The following SORBS2 variants were observed in gnomAD, a reference collection of about 807,000 sequenced individuals.
SORBS2 encodes the protein sorbin and SH3 domain containing 2.
A neutral mutation model predicts 97.7 loss-of-function variants in SORBS2; 46 were observed. The observed-to-expected ratio is 0.47, with a 90% CI of 0.37 to 0.60. SORBS2 has a LOEUF of 0.60. SORBS2 is among the 20% of genes least tolerant of loss of function. SORBS2 has a pLI of 0.00. For synonymous variants in SORBS2, 476 were observed against 473.4 expected (o/e 1.01, Z -0.07); for missense variants, 1,316 against 1,282.3 (o/e 1.03, Z -0.40).
intron 2 of SORBS2, among the ~76,000 whole-genome samples, chr4:185,714,089 T>G (rs952689858): frequency 3.7e-4 from 56 of 152,374 alleles, no homozygotes; most frequent in African/African-American, 1.3e-3. Flanking sequence ...CCTTCATTAT[T>G]TAAGTGGATA....
chr4:185,940,389 A>T lies in SORBS2; in HGVS notation c.-338+15807T>A, dbSNP rs537228331. 5.9e-5 allele frequency among the ~76,000 whole-genome samples: 9 copies of T among 152,242 alleles called. No individual in the cohort carries two copies. The East Asian group carries it at 1.7e-3, about 29-fold the overall frequency. On this transcript the variant is annotated intron_variant, in intron 1 of 20. Transcript: ENST00000284776. ...TTTTTACCCTTATTCCCCATACATG[A>T]AGAACCATTCTACATATTCTTCAAC...
intron 1 of SORBS2, among the ~76,000 whole-genome samples, chr4:185,797,855 C>T (rs1413335332): frequency 6.6e-6 from 1 of 152,194 alleles, no homozygotes; most frequent in African/African-American, 2.4e-5. Context: ...ACACCATGTT[C>T]ACCTGCAGAC....
intron 13 of SORBS2, among the ~76,000 whole-genome samples, chr4:185,590,793 CAAG>C (rs2153356500): frequency 6.6e-6 from 1 of 152,124 alleles, no homozygotes; most frequent in Admixed American, 6.5e-5. Context: ...CTGAGAAGGT[CAAG>C]AAGAATTTGA....
At chr4:185,868,147 C>CTTTTTTCTTTTTT (rs1554043746) in intron 1 of SORBS2, among the ~76,000 whole-genome samples, 2 of 89,766 alleles carry the variant, frequency 2.2e-5, no homozygotes. Context: ...CTTTTCTTTT[C>CTTTTTTCTTTTTT]TTTTTTTCTT....
intron 1 of SORBS2, chr4:185,932,894 A>G (rs2099267156): frequency 6.6e-6 from 1 of 152,246 alleles, no homozygotes; most frequent in Non-Finnish European, 1.5e-5. Flanking sequence ...TTATCCTTCT[A>G]CAATGTTTTC....
intron 4 of SORBS2, chr4:185,677,333 C>G (rs2097802013): frequency 1.3e-6 from 2 of 1,552,316 alleles, no homozygotes; most frequent in Non-Finnish European, 1.7e-6. Context: ...GCCTGTAGTC[C>G]TCTTGTAGAA....
chr4:185,867,903 C>T (rs914021386), intron 1 of SORBS2, among the ~76,000 whole-genome samples: 1 of 152,034 alleles, frequency 6.6e-6, no homozygotes, highest in Non-Finnish European at 1.5e-5. Flanking sequence ...CTCAGGGGTC[C>T]CACCAACTAT....
chr4:185,909,548 A>G (rs2149870919), intron 1 of SORBS2, among the ~76,000 whole-genome samples: 1 of 148,904 alleles, frequency 6.7e-6, no homozygotes, highest in Non-Finnish European at 1.5e-5. Context: ...ATTAAGATAA[A>G]TAAATAAAAG....
At chr4:185,863,591 A>T (rs572348382) in intron 1 of SORBS2, among the ~76,000 whole-genome samples, 89 of 152,262 alleles carry the variant, frequency 5.8e-4, no homozygotes, top group African/African-American at 2.1e-3. Context: ...CAAGTTTTTT[A>T]TCTTGCCAGG....
chr4:185,843,030 T>C (rs2099212551), intron 1 of SORBS2, among the ~76,000 whole-genome samples: 1 of 151,316 alleles, frequency 6.6e-6, no homozygotes, highest in Non-Finnish European at 1.5e-5. Flanking sequence ...TGGGACTGAA[T>C]ATGGAATTAG....
At chr4:185,905,019 G>A (rs768916839) in intron 1 of SORBS2, among the ~76,000 whole-genome samples, 2 of 152,000 alleles carry the variant, frequency 1.3e-5, no homozygotes, top group African/African-American at 4.8e-5. Flanking sequence ...CAGGACAATC[G>A]CTTGAACCTG....
intron 1 of SORBS2, among the ~76,000 whole-genome samples, chr4:185,892,649 A>G (rs996646690): frequency 6.6e-6 from 1 of 152,226 alleles, no homozygotes; most frequent in Non-Finnish European, 1.5e-5. Flanking sequence ...GACAGTGTGC[A>G]TGGTGAAGTA....
At chr4:185,778,748 A>G (rs1234094330) in intron 1 of SORBS2, among the ~76,000 whole-genome samples, 1 of 152,208 alleles carries the variant, frequency 6.6e-6, no homozygotes, top group Non-Finnish European at 1.5e-5. Context: ...GATCTAGATC[A>G]TTTGTACATC....
At chr4:185,680,226 C>A (rs1213511559) in intron 2 of SORBS2, among the ~76,000 whole-genome samples, 1 of 152,000 alleles carries the variant, frequency 6.6e-6, no homozygotes, top group East Asian at 1.9e-4. Context: ...CCAGGCTGTC[C>A]TTGAAATAGT....
intron 1 of SORBS2, among the ~76,000 whole-genome samples, chr4:185,872,307 T>C (rs569018475): frequency 6.6e-6 from 1 of 152,256 alleles, no homozygotes; most frequent in South Asian, 2.1e-4. Flanking sequence ...GCTTTGAGGA[T>C]CTAATCTAAT....
At chr4:185,628,285 A>G (rs1437513906) in intron 5 of SORBS2, among the ~76,000 whole-genome samples, 1 of 151,990 alleles carries the variant, frequency 6.6e-6, no homozygotes, top group Non-Finnish European at 1.5e-5. Context: ...GAGTTCTAAC[A>G]ACATGAATAT....
chr4:185,702,492 C>T (rs754492944), intron 2 of SORBS2, among the ~76,000 whole-genome samples: 17 of 152,168 alleles, frequency 1.1e-4, no homozygotes, highest in Admixed American at 3.3e-4. Flanking sequence ...ACTCAAACAC[C>T]TCCCATTAAG....
chr4:185,732,183 A>G (rs1213885752), intron 2 of SORBS2, among the ~76,000 whole-genome samples: 1 of 152,016 alleles, frequency 6.6e-6, no homozygotes, highest in East Asian at 1.9e-4. Context: ...TGTGCATGAG[A>G]ATAAGTAAAC....
intron 12 of SORBS2, among the ~76,000 whole-genome samples, chr4:185,609,119 G>A (rs1042203883): frequency 1.3e-5 from 2 of 152,082 alleles, no homozygotes; most frequent in Admixed American, 6.5e-5. Flanking sequence ...GAGACTGCAC[G>A]TGTGGTTTGC....
Sources: gnomAD v4.1 joint callset for allele counts (sites outside exome capture counted in the v4.1 genomes callset) on GRCh38, gnomAD v4.1.1 for gene constraint, MANE v1.5 for transcripts, NCBI Gene and HGNC (gene_info 2026-07-23, HGNC 2026-07-21) for gene names.